Variants in ANKS1A observed in about 807,000 individuals in gnomAD.
ANKS1A encodes the protein ankyrin repeat and sterile alpha motif domain containing 1A.
Under a neutral mutation model 120.3 loss-of-function variants are expected in ANKS1A, and 55 were observed. The ratio of observed to expected loss-of-function variants is 0.46; its 90% CI spans 0.37 to 0.57. The LOEUF is 0.57. Among genes scored for constraint, ANKS1A ranks in the 20% least tolerant of loss-of-function variants. The pLI, the probability that ANKS1A is intolerant of heterozygous loss-of-function variation, is 0.00. For missense variants in ANKS1A, 1,123 were observed against 1,480.3 expected, an observed-to-expected ratio of 0.76 and a Z score of 3.96; for synonymous variants, 590 against 604.7, an observed-to-expected ratio of 0.98 and a Z score of 0.36.
chr6:34,904,880 G>A (rs938696812), intron 1 of ANKS1A, among the ~76,000 whole-genome samples: 12 of 151,838 alleles, frequency 7.9e-5, no homozygotes, highest in South Asian at 4.2e-4. Flanking sequence ...GCATGAGCTC[G>A]GCTCACTGCA....
intron 1 of ANKS1A, among the ~76,000 whole-genome samples, chr6:34,953,571 T>TA (rs746547608): frequency 6.6e-6 from 1 of 152,252 alleles, no homozygotes; most frequent in Non-Finnish European, 1.5e-5. Context: ...TTTTTCTTGC[T>TA]AATGGCATTC....
In ANKS1A at chr6:35,078,559, G is replaced by T; in HGVS notation, c.2186G>T (p.Gly729Val). 1 of 1,611,140 alleles carries T rather than the reference G, an allele frequency of 6.2e-7. No individual in the cohort carries two copies. The highest frequency in any genetic ancestry group is 8.5e-7 in the Non-Finnish European group (1 of 1,179,870). The change falls in exon 14 of 24, where the codon GGG becomes GTG. Residue 729 changes from glycine (G) to valine (V), a missense_variant and splice_region_variant. Physicochemically the swap from Gly to Val is moderately radical, Grantham distance 109. Transcript: ENST00000360359. ...TGACATCCACCTTTCTGCTCTCAGG[G>T]GTCTAATGTGATGGAAGAGCAGGAC... The part of the protein sequence containing the change: ...LNGFDDVHFL[G>V]SNVMEEQDLR...
chr6:34,945,190 C>T (rs1769728856), intron 1 of ANKS1A, among the ~76,000 whole-genome samples: 1 of 152,124 alleles, frequency 6.6e-6, no homozygotes, highest in South Asian at 2.1e-4. Context: ...ATTCTTCTGC[C>T]TCAGCCTCCC....
Position 35,085,619 on chromosome 6 carries a change from A to C in ANKS1A, c.3133-147A>C. 2 of 727,946 alleles carry C rather than the reference A, an allele frequency of 2.7e-6. No homozygotes were observed. The highest frequency in any genetic ancestry group is 4.2e-6 in the Non-Finnish European group (2 of 470,864). The allele number at this position is 727,946 out of a possible 1,614,324, so 45.1% of individuals were successfully genotyped here. ...AACAACAGAGACCTAGGAAGAGTAA[A>C]GGAGGGAAAGGAGGGAAGAGTGGAA... is the stretch of plus-strand genomic sequence containing the variant. On this transcript the variant is annotated intron_variant, in intron 21 of 23. Coordinates refer to ENST00000360359, the MANE Select transcript of ANKS1A (RefSeq NM_015245.3). This position sits in a 1 kb window ranked among gnomAD's most constrained non-coding sequence, Gnocchi z 4.7.
rs772966636 is a variant in ANKS1A at position 35,017,655 on chromosome 6, G to A, written c.1606G>A (p.Ala536Thr). 15 of 1,607,282 alleles carry A rather than the reference G, an allele frequency of 9.3e-6. No individual in the cohort carries two copies. Among genetic ancestry groups the A allele is most frequent in the African/African-American group, 1.3e-5 (1 of 74,794 alleles). Reference protein sequence around the residue: ...SHPDGSPQQGACHKASMQLEE... With the variant: ...SHPDGSPQQGTCHKASMQLEE... ...TCCAGACGGGTCCCCCCAGCAGGGC[G>A]CCTGCCACAAGGCCAGCATGCAGCT... Residue 536 changes from alanine (A) to threonine (T), a missense_variant, in exon 11 of 24, where the codon GCC (alanine) becomes ACC (threonine). Ala to Thr is a moderately conservative substitution (Grantham distance 58). Coordinates refer to ENST00000360359, the MANE Select transcript of ANKS1A (RefSeq NM_015245.3).
chr6:35,002,195 A>C (rs562771520), intron 10 of ANKS1A, among the ~76,000 whole-genome samples: 19 of 152,154 alleles, frequency 1.2e-4, no homozygotes, highest in Non-Finnish European at 2.6e-4. Context: ...GTTAAACATA[A>C]CTGTGTAGAG....
intron 10 of ANKS1A, among the ~76,000 whole-genome samples, chr6:35,009,714 T>G (rs1435640541): frequency 6.6e-6 from 1 of 151,526 alleles, no homozygotes; most frequent in African/African-American, 2.4e-5. Context: ...ACCAGTCTGG[T>G]CAACATGGTG....
intron 1 of ANKS1A, among the ~76,000 whole-genome samples, chr6:34,932,311 G>A (rs1332084660): frequency 6.6e-6 from 1 of 152,142 alleles, no homozygotes; most frequent in Non-Finnish European, 1.5e-5. Context: ...TCAGCCTGCC[G>A]AGTAACTCGG....
intron 9 of ANKS1A, among the ~76,000 whole-genome samples, chr6:34,993,583 G>A (rs3800440): frequency 0.019 from 2,967 of 152,298 alleles, 46 homozygotes; most frequent in Non-Finnish European, 0.03. Context: ...AAAGGTTGTA[G>A]GAATCCAGTT....
In ANKS1A at chr6:35,017,546, C is replaced by T. The variant is rs1774089251; in HGVS notation, c.1497C>T (p.Phe499=). ...AGGACGGGCAGGTCCCAGAGCAGTT[C>T]TCAGGCCTCCTCCACGGCTCCTCCC... ...EGQDGQVPEQ[F]SGLLHGSSPV... The change falls in exon 11 of 24, where the codon TTC becomes TTT. Residue 499 remains phenylalanine, a synonymous_variant. Transcript: ENST00000360359. The T allele has an allele frequency of 6.2e-7, 1 of 1,614,098 alleles. No homozygotes were observed. The highest frequency in any genetic ancestry group is 8.5e-7 in the Non-Finnish European group (1 of 1,180,002).
chr6:35,067,654 A>T (rs926163699), intron 13 of ANKS1A, among the ~76,000 whole-genome samples: 1 of 151,974 alleles, frequency 6.6e-6, no homozygotes, highest in African/African-American at 2.4e-5. Flanking sequence ...AGTGGTGGGG[A>T]AAAAAAAGAA....
At chr6:35,074,451 GC>G (rs1777241120) in intron 13 of ANKS1A, among the ~76,000 whole-genome samples, 2 of 151,042 alleles carry the variant, frequency 1.3e-5, no homozygotes, top group East Asian at 3.9e-4. Context: ...AAAAAAAATA[GC>G]CAGGCATGGT....
Position 35,090,169 on chromosome 6 carries a change from T to C in ANKS1A, c.*1560T>C. On this transcript the variant is annotated 3_prime_UTR_variant, in exon 24 of 24. Transcript: ENST00000360359. ...TAGAGGCAGGCCCTCCTCCACTTCTTGGTACTAAACGAAGATCTCGACACC... is the reference window on the plus strand; with the variant it reads ...TAGAGGCAGGCCCTCCTCCACTTCTCGGTACTAAACGAAGATCTCGACACC... 7.8e-7 allele frequency: 1 copy of C among 1,289,460 alleles called. No homozygotes were observed. The highest frequency in any genetic ancestry group is 1.0e-6 in the Non-Finnish European group (1 of 988,886). 79.9% of individuals were successfully genotyped at this position (1,289,460 alleles called of 1,614,324 possible).
At position 35,057,720 on chromosome 6, in the gene ANKS1A, G is replaced by A. The variant is rs58850273; in HGVS notation, c.2078-2427G>A. On this transcript the variant is annotated intron_variant, in intron 12 of 23. Coordinates refer to ENST00000360359, the MANE Select transcript of ANKS1A (RefSeq NM_015245.3). This position sits in a 1 kb window ranked among gnomAD's most constrained non-coding sequence, Gnocchi z 4.1. ...CTCTAACAGGCCCCAAGAGAAGTCC[G>A]TCCCCAATTTGTTTGGTATACTCAC... 0.026 allele frequency among the ~76,000 whole-genome samples: 3,980 copies of A among 152,244 alleles called. 61 individuals are homozygous for A. Among genetic ancestry groups the A allele is most frequent in the Middle Eastern group, 0.058 (17 of 294 alleles).
intron 23 of ANKS1A, among the ~76,000 whole-genome samples, chr6:35,088,309 C>T (rs1472388335): frequency 3.9e-5 from 6 of 152,168 alleles, no homozygotes; most frequent in African/African-American, 7.2e-5. Context: ...CATAGGCAGC[C>T]GTGCACACAT....
Position 35,083,467 on chromosome 6 carries a change from A to G in ANKS1A, c.2958A>G (p.Thr986=). ...KKIPTIILSI[T]YKGVKFIDAS... Reference sequence around the variant, plus strand: ...TCCCCACCATCATCCTGTCCATCACATACAAAGGTGTCAAGTTCATCGATG... The same window carrying G: ...TCCCCACCATCATCCTGTCCATCACGTACAAAGGTGTCAAGTTCATCGATG... Residue 986 remains threonine, a synonymous_variant, in exon 20 of 24, where the codon ACA becomes ACG. Transcript: ENST00000360359. 2.5e-6 allele frequency: 4 copies of G among 1,614,108 alleles called. No individual in the cohort carries two copies. The highest frequency in any genetic ancestry group is 2.5e-6 in the Non-Finnish European group (3 of 1,179,996).
At chr6:35,083,116 G>C (rs374715116) in intron 18 of ANKS1A, 39 bp from the exon 19 acceptor site, 1 of 1,610,078 alleles carries the variant, frequency 6.2e-7, no homozygotes, top group African/African-American at 1.3e-5. Context: ...GCATGGAAAC[G>C]CAGGATTTCC....
intron 10 of ANKS1A, among the ~76,000 whole-genome samples, chr6:35,002,083 C>T (rs369660642): frequency 2.0e-5 from 3 of 152,310 alleles, no homozygotes; most frequent in South Asian, 2.1e-4. Context: ...GAATGCTAGA[C>T]TAACTAGATA....
At chr6:34,954,290 G>C (rs1285506502) in intron 1 of ANKS1A, among the ~76,000 whole-genome samples, 4 of 152,118 alleles carry the variant, frequency 2.6e-5, no homozygotes, top group Non-Finnish European at 5.9e-5. Flanking sequence ...ATAATCCTTA[G>C]AGCAAATGTA....
Sources: gnomAD v4.1 joint callset for allele counts (sites outside exome capture counted in the v4.1 genomes callset) on GRCh38, gnomAD v4.1.1 for gene constraint, Gnocchi (gnomAD v3.1) non-coding constraint, MANE v1.5 for transcripts, NCBI Gene and HGNC (gene_info 2026-07-23, HGNC 2026-07-21) for gene names.